The following ADAM29 variants were observed in gnomAD, a reference collection of about 807,000 sequenced individuals.
ADAM29 encodes the protein ADAM metallopeptidase domain 29.
For missense variants in ADAM29, 969 were observed against 1,001.8 expected (o/e 0.97, Z 0.44); for synonymous variants, 367 against 342.3 (o/e 1.07, Z -0.80).
rs1364100023 is a variant in ADAM29 at position 174,965,238 on chromosome 4, G to C, written c.-180-10108G>C. Among the ~76,000 whole-genome samples, 5 of 123,436 alleles carry C rather than the reference G, an allele frequency of 4.1e-5. No homozygotes were observed. The East Asian group carries it at 1.1e-3, about 27-fold the overall frequency. The allele number at this position is 123,436 out of a possible 152,430, so 81.0% of individuals were successfully genotyped here. On this transcript the variant is annotated intron_variant, in intron 4 of 4. Transcript: ENST00000359240. The stretch of plus-strand genomic sequence containing the variant: ...TGCAAAAAGATCAGAGGGTAAGGGA[G>C]GAAGCAAGAGAGAGAGAAACCAAGG...
chr4:174,927,961 T>C (rs2110916539), intron 2 of ADAM29, among the ~76,000 whole-genome samples: 1 of 152,292 alleles, frequency 6.6e-6, no homozygotes, highest in South Asian at 2.1e-4. Context: ...TTTTGCTAGA[T>C]TATGGGCTGG....
At chr4:174,965,244 A>AAG (rs70947477) in intron 4 of ADAM29, among the ~76,000 whole-genome samples, 64,846 of 151,620 alleles carry the variant, frequency 0.43, 14,240 homozygotes, top group Middle Eastern at 0.52. Context: ...GGGAGGAAGC[A>AAG]AGAGAGAGAG....
intron 2 of ADAM29, among the ~76,000 whole-genome samples, chr4:174,928,385 G>A (rs1464746202): frequency 6.6e-6 from 1 of 151,818 alleles, no homozygotes; most frequent in Non-Finnish European, 1.5e-5. Flanking sequence ...CATGTCAACC[G>A]CATCCTGTAA....
intron 3 of ADAM29, among the ~76,000 whole-genome samples, chr4:174,933,164 A>G (rs1744001841): frequency 6.6e-6 from 1 of 152,146 alleles, no homozygotes; most frequent in Non-Finnish European, 1.5e-5. Context: ...TGGGATAACA[A>G]AAAGCTCTCT....
intron 4 of ADAM29, among the ~76,000 whole-genome samples, chr4:174,943,362 C>T (rs1370846920): frequency 6.6e-6 from 1 of 152,248 alleles, no homozygotes; most frequent in East Asian, 1.9e-4. Flanking sequence ...TCCATTTTCA[C>T]ACTGCTATAA....
chr4:174,932,499 CT>C (rs1374884006), intron 3 of ADAM29, among the ~76,000 whole-genome samples: 1 of 152,030 alleles, frequency 6.6e-6, no homozygotes, highest in Non-Finnish European at 1.5e-5. Context: ...CCTCAGGCCT[CT>C]TTTACAAAGA....
intron 1 of ADAM29, chr4:174,918,908 A>T (rs967325513): frequency 2.0e-5 from 3 of 152,104 alleles, no homozygotes; most frequent in Non-Finnish European, 4.4e-5. Context: ...TACAGCTGTA[A>T]ATCTGTTTTC....
At chr4:174,950,177 T>C (rs1313588731) in intron 4 of ADAM29, among the ~76,000 whole-genome samples, 2 of 152,232 alleles carry the variant, frequency 1.3e-5, no homozygotes, top group Non-Finnish European at 2.9e-5. Flanking sequence ...TATCCCTCCA[T>C]TGATTTCCCC....
chr4:174,952,878 G>A (rs1745266780), intron 4 of ADAM29, among the ~76,000 whole-genome samples: 1 of 152,034 alleles, frequency 6.6e-6, no homozygotes, highest in Non-Finnish European at 1.5e-5. Context: ...AACATTTTCT[G>A]GTTCTGTTAA....
intron 3 of ADAM29, among the ~76,000 whole-genome samples, chr4:174,931,982 T>G (rs1310638996): frequency 1.3e-5 from 2 of 152,188 alleles, no homozygotes; most frequent in Non-Finnish European, 2.9e-5. Context: ...TCCACATTTA[T>G]TTTTATTGAA....
chr4:174,931,774 G>A (rs936495204), intron 3 of ADAM29, among the ~76,000 whole-genome samples: 7 of 151,166 alleles, frequency 4.6e-5, no homozygotes, highest in South Asian at 2.1e-4. Flanking sequence ...AATCTCTCTC[G>A]TTAGTACCTA....
intron 2 of ADAM29, among the ~76,000 whole-genome samples, chr4:174,923,589 T>C (rs2110897946): frequency 6.9e-6 from 1 of 144,220 alleles, no homozygotes; most frequent in East Asian, 2.0e-4. Context: ...CTTTAAAAAA[T>C]ATTTTCCACC....
At chr4:174,934,710 T>G (rs1433221782) in intron 3 of ADAM29, among the ~76,000 whole-genome samples, 1 of 152,178 alleles carries the variant, frequency 6.6e-6, no homozygotes, top group African/African-American at 2.4e-5. Flanking sequence ...TTTCCCATCT[T>G]CCGCAGGAGA....
intron 3 of ADAM29, among the ~76,000 whole-genome samples, chr4:174,933,524 A>G (rs1744027132): frequency 6.6e-6 from 1 of 152,150 alleles, no homozygotes; most frequent in Admixed American, 6.5e-5. Context: ...TGTTTGCTAT[A>G]TAGGTAAACA....
rs543827281 is a variant in ADAM29 at position 174,948,397 on chromosome 4, C to T, written c.-181+11384C>T. On this transcript the variant is annotated intron_variant, in intron 4 of 4. Transcript: ENST00000359240. The stretch of plus-strand genomic sequence containing the variant: ...ATTGTGGCAGAAGGTGGGTTCAGTC[C>T]ACTGACTTCACTTCCGGAGGATTTT... 2.6e-5 allele frequency among the ~76,000 whole-genome samples: 4 copies of T among 152,180 alleles called. No individual in the cohort carries two copies. In the East Asian group the frequency reaches 7.7e-4, roughly 29 times the overall value.
intron 4 of ADAM29, among the ~76,000 whole-genome samples, chr4:174,960,176 T>C (rs1456518008): frequency 6.6e-6 from 1 of 152,072 alleles, no homozygotes; most frequent in Non-Finnish European, 1.5e-5. Flanking sequence ...ATATTGATAA[T>C]TTTTTGCTCA....
intron 4 of ADAM29, among the ~76,000 whole-genome samples, chr4:174,967,452 TTTG>T (rs1746218852): frequency 2.6e-5 from 4 of 152,180 alleles, no homozygotes; most frequent in African/African-American, 9.7e-5. Flanking sequence ...TTTTCCAAAA[TTTG>T]TTAAGTTGCT....
rs950375023 is a variant in ADAM29 at position 174,928,413 on chromosome 4, G to T, written c.-450-2573G>T. On this transcript the variant is annotated intron_variant, in intron 2 of 4. Transcript: ENST00000359240. ...TCCTGTAACTGACTGGTTAGTTACT[G>T]GAGGGGTCAGTGAAGGGGGGTTTGT... 2.6e-5 allele frequency among the ~76,000 whole-genome samples: 4 copies of T among 151,860 alleles called. No individual in the cohort carries two copies. The South Asian group carries it at 8.3e-4, about 32-fold the overall frequency.
At position 174,976,728 on chromosome 4, in the gene ADAM29, G is replaced by T; in HGVS notation, c.1203G>T (p.Gly401=). 6.2e-7 allele frequency: 1 copy of T among 1,613,952 alleles called. No homozygotes were observed. The highest frequency in any genetic ancestry group is 1.1e-5 in the South Asian group (1 of 91,036). ...TKDIFNVKRC[G]NGVVEEGEEC... ...ACATCTTTAATGTGAAGCGCTGTGG[G>T]AATGGTGTTGTTGAAGAAGGAGAAG... Residue 401 remains glycine (G), a synonymous_variant, in exon 5 of 5, where the codon GGG becomes GGT. Coordinates refer to ENST00000359240, the MANE Select transcript of ADAM29 (RefSeq NM_014269.4).
Sources: allele counts gnomAD v4.1 joint callset (sites outside exome capture counted in the v4.1 genomes callset), GRCh38; gene constraint gnomAD v4.1.1; transcripts MANE v1.5; gene names NCBI Gene and HGNC (gene_info 2026-07-23, HGNC 2026-07-21).